PKN2: variants seen among roughly 807,000 people sequenced by gnomAD.
The protein encoded by PKN2 is protein kinase N2.
Under a neutral mutation model 119.1 loss-of-function variants are expected in PKN2, and 38 were observed. The observed-to-expected ratio is 0.32, with a 90% CI of 0.25 to 0.42. PKN2 has a LOEUF of 0.42. PKN2 is among the 10% of genes least tolerant of loss of function. PKN2 has a pLI of 1.00. For missense variants in PKN2, 850 were observed against 1,165.1 expected, an observed-to-expected ratio of 0.73 and a Z score of 3.94; for synonymous variants, 390 against 384.9, an observed-to-expected ratio of 1.01 and a Z score of -0.15.
intron 1 of PKN2, among the ~76,000 whole-genome samples, chr1:88,709,951 T>TA (rs1667159180): frequency 1.3e-5 from 2 of 152,020 alleles, no homozygotes; most frequent in Admixed American, 6.6e-5. Context: ...AAGGGACAGG[T>TA]AAAAAAATGA....
intron 1 of PKN2, among the ~76,000 whole-genome samples, chr1:88,715,654 A>G (rs2100694661): frequency 6.6e-6 from 1 of 152,098 alleles, no homozygotes; most frequent in South Asian, 2.1e-4. Context: ...CCCCTTTATC[A>G]TTTTTTATTG....
rs572044353 is a variant in PKN2, at chr1:88,718,131, C to T, written c.49-22857C>T. Among the ~76,000 whole-genome samples, 38 of 152,314 alleles carry T rather than the reference C, an allele frequency of 2.5e-4. No homozygotes were observed. In the South Asian group the frequency reaches 7.7e-3, roughly 31 times the overall value. On this transcript the variant is annotated intron_variant, in intron 1 of 21. Coordinates refer to ENST00000370521, the MANE Select transcript of PKN2 (RefSeq NM_006256.4). Reference sequence around the variant, plus strand: ...GCCTGGGTATCACCATCGGAGGCTGCAGAACAGCAAATATTGCAGAACAGC... The same window carrying T: ...GCCTGGGTATCACCATCGGAGGCTGTAGAACAGCAAATATTGCAGAACAGC...
At chr1:88,723,335 A>G (rs1242427652) in intron 1 of PKN2, among the ~76,000 whole-genome samples, 1 of 151,534 alleles carries the variant, frequency 6.6e-6, no homozygotes, top group African/African-American at 2.4e-5. Flanking sequence ...CCGGTCTCAA[A>G]CTCCTGACCT....
At chr1:88,700,321 G>A (rs895525938) in intron 1 of PKN2, among the ~76,000 whole-genome samples, 2 of 152,104 alleles carry the variant, frequency 1.3e-5, no homozygotes, top group Non-Finnish European at 2.9e-5. Flanking sequence ...TTGAGGAATT[G>A]CCACACTGTC....
chr1:88,737,884 C>T (rs1668420049), intron 1 of PKN2, among the ~76,000 whole-genome samples: 1 of 152,152 alleles, frequency 6.6e-6, no homozygotes, highest in African/African-American at 2.4e-5. Context: ...TCTGTCTTTC[C>T]TACCCTCTTC....
chr1:88,695,223 T>A (rs1385960460), intron 1 of PKN2, among the ~76,000 whole-genome samples: 1 of 152,194 alleles, frequency 6.6e-6, no homozygotes, highest in African/African-American at 2.4e-5. Context: ...CATCTACACA[T>A]AGCTTTATTA....
At chr1:88,794,103 C>A (rs1291332685) in intron 8 of PKN2, among the ~76,000 whole-genome samples, 1 of 152,210 alleles carries the variant, frequency 6.6e-6, no homozygotes, top group East Asian at 1.9e-4. Context: ...CACGGTGGCT[C>A]ACGCCTGTAA....
chr1:88,738,727 T>C (rs1207504957), intron 1 of PKN2, among the ~76,000 whole-genome samples: 2 of 152,244 alleles, frequency 1.3e-5, no homozygotes, highest in Admixed American at 1.3e-4. Context: ...GCGAAAGCAG[T>C]TCATAAAGTG....
intron 1 of PKN2, among the ~76,000 whole-genome samples, chr1:88,701,142 C>T (rs970910853): frequency 2.6e-5 from 4 of 152,102 alleles, no homozygotes; most frequent in South Asian, 2.1e-4. Context: ...GTTACTTAAT[C>T]GTTAAAACAA....
intron 12 of PKN2, among the ~76,000 whole-genome samples, chr1:88,807,057 G>A (rs764321852): frequency 2.6e-5 from 4 of 152,066 alleles, no homozygotes; most frequent in East Asian, 1.9e-4. Flanking sequence ...ATATAAAAGC[G>A]ATGGCTCCAG....
chr1:88,795,260 T>A (rs1419699780), intron 8 of PKN2, among the ~76,000 whole-genome samples: 1 of 152,214 alleles, frequency 6.6e-6, no homozygotes, highest in Non-Finnish European at 1.5e-5. Context: ...TCATTCAAGT[T>A]GCCCTCTAGT....
In PKN2 at chr1:88,792,277, G is replaced by A. The variant is rs567332646; in HGVS notation, c.1281+6064G>A. On this transcript the variant is annotated intron_variant, in intron 8 of 21. Coordinates refer to ENST00000370521, the MANE Select transcript of PKN2 (RefSeq NM_006256.4). ...AAATTAGCTGGACATAGTGGCGCAT[G>A]CCTGTAACCCAGCTACTCGGGAGGC... Among the ~76,000 whole-genome samples the A allele has an allele frequency of 2.3e-4, 35 of 152,218 alleles. No homozygotes were observed. The East Asian group carries it at 6.6e-3, about 29-fold the overall frequency.
At chr1:88,800,813 A>G (rs1370608484) in intron 8 of PKN2, among the ~76,000 whole-genome samples, 1 of 152,226 alleles carries the variant, frequency 6.6e-6, no homozygotes, top group Admixed American at 6.5e-5. Context: ...TTCAGATCTT[A>G]GACTTCAGAT....
intron 15 of PKN2, among the ~76,000 whole-genome samples, chr1:88,813,162 C>T (rs1370655260): frequency 1.3e-5 from 2 of 152,086 alleles, no homozygotes; most frequent in African/African-American, 2.4e-5. Context: ...ATTATAGATA[C>T]TGTCTTTGAA....
chr1:88,793,617 C>T (rs1670936377), intron 8 of PKN2, among the ~76,000 whole-genome samples: 1 of 152,110 alleles, frequency 6.6e-6, no homozygotes, highest in African/African-American at 2.4e-5. Context: ...TATCTGCATA[C>T]AGTTGTCCCT....
At chr1:88,824,489 C>A in intron 18 of PKN2, 103 bp downstream of exon 18, 1 of 678,718 alleles carries the variant, frequency 1.5e-6, no homozygotes, top group Non-Finnish European at 2.7e-6. Context: ...GTACTTTTAA[C>A]TTTATTCTTC....
intron 1 of PKN2, among the ~76,000 whole-genome samples, chr1:88,704,109 T>A (rs1375256828): frequency 6.6e-6 from 1 of 152,170 alleles, no homozygotes. Context: ...TATTTACCAC[T>A]CCAAAAGTTT....
intron 5 of PKN2, 28 bp downstream of exon 5, chr1:88,771,594 G>A: frequency 4.5e-6 from 7 of 1,564,232 alleles, no homozygotes; most frequent in Non-Finnish European, 6.1e-6. Flanking sequence ...TTTTTATTTG[G>A]TTTAATAAAT....
At chr1:88,735,992 C>T (rs1668333051) in intron 1 of PKN2, among the ~76,000 whole-genome samples, 1 of 152,102 alleles carries the variant, frequency 6.6e-6, no homozygotes, top group African/African-American at 2.4e-5. Flanking sequence ...GATACTGTTG[C>T]ATTGTTCTGT....
Sources: allele counts gnomAD v4.1 joint callset (sites outside exome capture counted in the v4.1 genomes callset), GRCh38; gene constraint gnomAD v4.1.1; transcripts MANE v1.5; gene names NCBI Gene and HGNC (gene_info 2026-07-23, HGNC 2026-07-21).